ST8SIA3: variants seen among roughly 807,000 people sequenced by gnomAD.
ST8SIA3 encodes the protein ST8 alpha-N-acetyl-neuraminide alpha-2,8-sialyltransferase 3, also known as alpha-N-acetylneuraminate alpha-2,8-sialyltransferase ST8SIA3.
In ST8SIA3, 17 loss-of-function variants were observed where a neutral mutation model predicts 34.5. The ratio of observed to expected loss-of-function variants is 0.49; its 90% CI spans 0.34 to 0.74. ST8SIA3 has a LOEUF of 0.74. Among genes scored for constraint, ST8SIA3 ranks in the 30% least tolerant of loss-of-function variants. The pLI is 0.01. For synonymous variants in ST8SIA3, 172 were observed against 176.1 expected, an observed-to-expected ratio of 0.98 and a Z score of 0.19; for missense variants, 354 against 467.8, an observed-to-expected ratio of 0.76 and a Z score of 2.24.
chr18:57,360,460 A>C lies in ST8SIA3; in HGVS notation c.*183A>C. On this transcript the variant is annotated 3_prime_UTR_variant, in exon 4 of 4. Coordinates refer to ENST00000324000, the MANE Select transcript of ST8SIA3 (RefSeq NM_015879.3). ...TTAGCAGATTTAGCAGGACAGATGCATTGAAGCCACATGGTTTAGACTTGA... is the reference window on the plus strand; with the variant it reads ...TTAGCAGATTTAGCAGGACAGATGCCTTGAAGCCACATGGTTTAGACTTGA... 3.2e-6 allele frequency: 2 copies of C among 626,316 alleles called. No homozygotes were observed. The highest frequency in any genetic ancestry group is 4.3e-4 in the Middle Eastern group (1 of 2,324). The allele number at this position is 626,316 out of a possible 1,614,324, so 38.8% of individuals were successfully genotyped here.
chr18:57,359,698 T>C (rs1162056403), intron 3 of ST8SIA3, among the ~76,000 whole-genome samples: 1 of 152,184 alleles, frequency 6.6e-6, no homozygotes, highest in African/African-American at 2.4e-5. Flanking sequence ...AACAGTGTGA[T>C]CCCAGGAAAT....
At chr18:57,356,765 C>T (rs556350047) in intron 2 of ST8SIA3, 148 bp from the exon 3 acceptor site, 9 of 588,412 alleles carry the variant, frequency 1.5e-5, no homozygotes, top group African/African-American at 1.1e-4. Flanking sequence ...AGCAGTCCTC[C>T]CTTCAAGGAC....
chr18:57,358,186 G>C (rs1473617169), intron 3 of ST8SIA3, among the ~76,000 whole-genome samples: 1 of 152,114 alleles, frequency 6.6e-6, no homozygotes, highest in Non-Finnish European at 1.5e-5. Flanking sequence ...CCAGGTACTT[G>C]GTATTTTTTA....
At position 57,352,673 on chromosome 18, in the gene ST8SIA3, C is replaced by A. The variant is rs2049769751; in HGVS notation, c.-174C>A. 5.1e-6 allele frequency: 2 copies of A among 392,840 alleles called. No homozygotes were observed. The highest frequency in any genetic ancestry group is 5.9e-5 in the Admixed American group (2 of 33,948). The allele number at this position is 392,840 out of a possible 1,614,324, so 24.3% of individuals were successfully genotyped here. A position where few individuals can be genotyped will look rare whatever the true frequency, so the allele number is the denominator to read the frequency against. ...GCTCCTGCCAGCCCCAACCCCCGGC[C>A]CCGGTGGCCTCCCCCCACCCCCGCC... On this transcript the variant is annotated 5_prime_UTR_variant, in exon 1 of 4. Coordinates refer to ENST00000324000, the MANE Select transcript of ST8SIA3 (RefSeq NM_015879.3).
At chr18:57,354,650 T>A (rs757396435) in intron 2 of ST8SIA3, 126 bp downstream of exon 2, 9 of 1,094,738 alleles carry the variant, frequency 8.2e-6, no homozygotes, top group Non-Finnish European at 1.2e-5. Context: ...ACCCTCACCA[T>A]CAGGTGTATC....
rs2049860170 is a variant in ST8SIA3 at position 57,366,297 on chromosome 18, G to T, written c.*6020G>T. 6.6e-6 allele frequency: 1 copy of T among 152,476 alleles called. No individual in the cohort carries two copies. The highest frequency in any genetic ancestry group is 1.5e-5 in the Non-Finnish European group (1 of 68,024). 9.4% of individuals were successfully genotyped at this position (152,476 alleles called of 1,614,324 possible). A position where few individuals can be genotyped will look rare whatever the true frequency, so the allele number is the denominator to read the frequency against. ...AAAGAGCATATTATTGGATCCCAAGGTGTTCAAATATTCCACGTGACTCTT... is the reference window on the plus strand; with the variant it reads ...AAAGAGCATATTATTGGATCCCAAGTTGTTCAAATATTCCACGTGACTCTT... On this transcript the variant is annotated 3_prime_UTR_variant, in exon 4 of 4. Coordinates refer to ENST00000324000, the MANE Select transcript of ST8SIA3 (RefSeq NM_015879.3).
chr18:57,360,187 G>A lies in ST8SIA3; in HGVS notation c.1053G>A (p.Gln351=), dbSNP rs777768220. ...GAACCAAATTTACCACCAAGTGGCAGGAGTCCCACCAGCTGCCTGCTGAGT... is the reference window on the plus strand; with the variant it reads ...GAACCAAATTTACCACCAAGTGGCAAGAGTCCCACCAGCTGCCTGCTGAGT... ...KKGTKFTTKW[Q]ESHQLPAEFQ... is the part of the protein sequence containing the mutation. The change falls in exon 4 of 4, where the codon CAG becomes CAA. Residue 351 remains glutamine (Q), a synonymous_variant. Transcript: ENST00000324000. The A allele has an allele frequency of 1.2e-6, 2 of 1,614,034 alleles. No homozygotes were observed. Among genetic ancestry groups the A allele is most frequent in the African/African-American group, 2.7e-5 (2 of 74,930 alleles).
In ST8SIA3 at chr18:57,365,591, A is replaced by C. The variant is rs1301743050; in HGVS notation, c.*5314A>C. ...GAACTGAAGTGATTCATTCAGATTC[A>C]ATTTGGAAGTCATTCCCAGAGCCTA... On this transcript the variant is annotated 3_prime_UTR_variant, in exon 4 of 4. Coordinates refer to ENST00000324000, the MANE Select transcript of ST8SIA3 (RefSeq NM_015879.3). 3 of 152,216 alleles carry C rather than the reference A, an allele frequency of 2.0e-5. No homozygotes were observed. Among genetic ancestry groups the C allele is most frequent in the Non-Finnish European group, 4.4e-5 (3 of 68,040 alleles). 9.4% of individuals were successfully genotyped at this position (152,216 alleles called of 1,614,324 possible).
chr18:57,357,582 A>C, intron 3 of ST8SIA3, 112 bp downstream of exon 3: 3 of 820,204 alleles, frequency 3.7e-6, no homozygotes, highest in Non-Finnish European at 5.8e-6. Flanking sequence ...TGAGTTTAGT[A>C]GTAATTAGAA....
At position 57,360,310 on chromosome 18, in the gene ST8SIA3, TA is replaced by T; in HGVS notation, c.*38del. 5.6e-6 allele frequency: 9 copies of T among 1,593,432 alleles called. No homozygotes were observed. The highest frequency in any genetic ancestry group is 7.7e-6 in the Non-Finnish European group (9 of 1,167,634). On this transcript the variant is annotated 3_prime_UTR_variant, in exon 4 of 4. Coordinates refer to ENST00000324000, the MANE Select transcript of ST8SIA3 (RefSeq NM_015879.3). ...AAACGGAAAGCGCCAAATGGCTGTT[TA>T]AAAAGTGCCCCAAATCAAATTGAAT...
At chr18:57,355,304 T>C (rs537980178) in intron 2 of ST8SIA3, among the ~76,000 whole-genome samples, 80 of 152,350 alleles carry the variant, frequency 5.3e-4, no homozygotes, top group African/African-American at 1.9e-3. Context: ...ATTTTACTGC[T>C]AAATGGGATG....
chr18:57,360,193 C>A lies in ST8SIA3; in HGVS notation c.1059C>A (p.Ser353=). Residue 353 remains serine (S), a synonymous_variant, in exon 4 of 4, where the codon TCC becomes TCA. Coordinates refer to ENST00000324000, the MANE Select transcript of ST8SIA3 (RefSeq NM_015879.3). ...AATTTACCACCAAGTGGCAGGAGTCCCACCAGCTGCCTGCTGAGTTTCAGC... is the reference window on the plus strand; with the variant it reads ...AATTTACCACCAAGTGGCAGGAGTCACACCAGCTGCCTGCTGAGTTTCAGC... ...GTKFTTKWQE[S]HQLPAEFQLL... is the part of the protein sequence containing the mutation. 6.2e-7 allele frequency: 1 copy of A among 1,614,064 alleles called. No homozygotes were observed. The highest frequency in any genetic ancestry group is 8.5e-7 in the Non-Finnish European group (1 of 1,179,984).
At chr18:57,355,629 A>T (rs1412619723) in intron 2 of ST8SIA3, among the ~76,000 whole-genome samples, 1 of 152,178 alleles carries the variant, frequency 6.6e-6, no homozygotes, top group South Asian at 2.1e-4. Flanking sequence ...TTTTAATTCA[A>T]TATTAATTTT....
intron 2 of ST8SIA3, among the ~76,000 whole-genome samples, chr18:57,355,935 G>A (rs914338769): frequency 6.6e-6 from 1 of 152,210 alleles, no homozygotes; most frequent in Non-Finnish European, 1.5e-5. Flanking sequence ...TTTGAAGAAT[G>A]AAGTCATTTT....
At chr18:57,359,159 A>C (rs1276318004) in intron 3 of ST8SIA3, among the ~76,000 whole-genome samples, 3 of 152,222 alleles carry the variant, frequency 2.0e-5, no homozygotes, top group African/African-American at 7.2e-5. Context: ...AACCTGACTA[A>C]TGCACAGTTT....
rs2049852099 is a variant in ST8SIA3, at chr18:57,364,925, T to C, written c.*4648T>C. 1 of 152,320 alleles carries C rather than the reference T, an allele frequency of 6.6e-6. No individual in the cohort carries two copies. The highest frequency in any genetic ancestry group is 1.5e-5 in the Non-Finnish European group (1 of 68,046). 9.4% of individuals were successfully genotyped at this position (152,320 alleles called of 1,614,324 possible). A position where few individuals can be genotyped will look rare whatever the true frequency, so the allele number is the denominator to read the frequency against. ...GAAGACATATGTGTATGAATAGATG[T>C]TCCTCAGTGAAGCCTATTCTCTTGT... is the stretch of plus-strand genomic sequence containing the variant. On this transcript the variant is annotated 3_prime_UTR_variant, in exon 4 of 4. Transcript: ENST00000324000.
intron 2 of ST8SIA3, 89 bp downstream of exon 2, chr18:57,354,613 C>T: frequency 6.6e-7 from 1 of 1,517,636 alleles, no homozygotes; most frequent in African/African-American, 1.4e-5. Context: ...ACAAAAACAT[C>T]TAAAACAACA....
In ST8SIA3 at chr18:57,360,295, C is replaced by T. The variant is rs739692; in HGVS notation, c.*18C>T. 0.2 allele frequency: 317,577 copies of T among 1,602,964 alleles called. 37,294 individuals carry two copies. Among genetic ancestry groups the T allele is most frequent in the East Asian group, 0.52 (23,109 of 44,612 alleles). On this transcript the variant is annotated 3_prime_UTR_variant, in exon 4 of 4. Transcript: ENST00000324000. ...GTGCCTAAGAACTCCAAACGGAAAG[C>T]GCCAAATGGCTGTTTAAAAAGTGCC...
rs2049840310 is a variant in ST8SIA3, at chr18:57,362,983, T to C, written c.*2706T>C. The C allele has an allele frequency of 6.6e-6, 1 of 152,294 alleles. No homozygotes were observed. Among genetic ancestry groups the C allele is most frequent in the Non-Finnish European group, 1.5e-5 (1 of 68,086 alleles). 9.4% of individuals were successfully genotyped at this position (152,294 alleles called of 1,614,324 possible). A position where few individuals can be genotyped will look rare whatever the true frequency, so the allele number is the denominator to read the frequency against. ...CTGGGCAGTAATCAGCTCAGGACCATTGGCTCTTTCCTCCTCTTTCAGCTA... is the reference window on the plus strand; with the variant it reads ...CTGGGCAGTAATCAGCTCAGGACCACTGGCTCTTTCCTCCTCTTTCAGCTA... On this transcript the variant is annotated 3_prime_UTR_variant, in exon 4 of 4. Coordinates refer to ENST00000324000, the MANE Select transcript of ST8SIA3 (RefSeq NM_015879.3).
Sources: allele counts gnomAD v4.1 joint callset (sites outside exome capture counted in the v4.1 genomes callset), GRCh38; gene constraint gnomAD v4.1.1; transcripts MANE v1.5; gene names NCBI Gene and HGNC (gene_info 2026-07-23, HGNC 2026-07-21).